Variants in ROBO2 observed in about 807,000 individuals in gnomAD.
ROBO2 encodes roundabout homolog 2.
A neutral mutation model predicts 160.8 loss-of-function variants in ROBO2; 53 were observed. That is an observed-to-expected ratio of 0.33 (90% CI 0.26 to 0.41). The LOEUF (loss-of-function observed/expected upper bound fraction) is 0.41. ROBO2 is among the 10% of genes least tolerant of loss of function. The pLI is 1.00. For missense variants in ROBO2, 1,577 were observed against 1,722.4 expected, an observed-to-expected ratio of 0.92 and a Z score of 1.49; for synonymous variants, 664 against 611.7, an observed-to-expected ratio of 1.09 and a Z score of -1.26.
intron 2 of ROBO2, among the ~76,000 whole-genome samples, chr3:76,286,171 A>G (rs1260719394): frequency 6.6e-6 from 1 of 152,230 alleles, no homozygotes; most frequent in East Asian, 1.9e-4. Context: ...AGTGTGCTGT[A>G]GTGCAGAGTT....
intron 2 of ROBO2, among the ~76,000 whole-genome samples, chr3:76,003,364 T>C (rs2107575642): frequency 6.6e-6 from 1 of 152,318 alleles, no homozygotes; most frequent in East Asian, 1.9e-4. Flanking sequence ...ATCCAAGTGA[T>C]GTCAACAGGG....
intron 2 of ROBO2, among the ~76,000 whole-genome samples, chr3:76,076,179 C>T (rs1408594116): frequency 6.6e-6 from 1 of 152,150 alleles, no homozygotes; most frequent in Non-Finnish European, 1.5e-5. Context: ...CTCTCCTGCA[C>T]CTCCCTTTGA....
chr3:77,005,901 T>A (rs966904429), intron 2 of ROBO2, among the ~76,000 whole-genome samples: 1 of 152,338 alleles, frequency 6.6e-6, no homozygotes, highest in East Asian at 1.9e-4. Context: ...AAAGAATATA[T>A]TGGTTTTCTG....
chr3:76,391,742 C>A (rs1333145468), intron 2 of ROBO2, among the ~76,000 whole-genome samples: 1 of 152,126 alleles, frequency 6.6e-6, no homozygotes, highest in African/African-American at 2.4e-5. Flanking sequence ...AACTCCTGAC[C>A]TTGTGATCTG....
chr3:77,608,817 T>A (rs553784240), intron 21 of ROBO2, among the ~76,000 whole-genome samples: 2 of 152,158 alleles, frequency 1.3e-5, no homozygotes, highest in South Asian at 4.1e-4. Flanking sequence ...CACAGGATTT[T>A]TTTTCACTTA....
intron 2 of ROBO2, among the ~76,000 whole-genome samples, chr3:76,867,732 A>G (rs1434518059): frequency 2.0e-5 from 3 of 152,182 alleles, no homozygotes; most frequent in Admixed American, 6.5e-5. Flanking sequence ...GCTCTTGTTG[A>G]TTCTCTCCTC....
At chr3:76,103,257 C>T (rs890500874) in intron 2 of ROBO2, among the ~76,000 whole-genome samples, 4 of 152,152 alleles carry the variant, frequency 2.6e-5, no homozygotes, top group African/African-American at 9.7e-5. Context: ...TACCAGAGCA[C>T]TCGCCACATT....
chr3:77,580,225 G>A, intron 16 of ROBO2, 107 bp downstream of exon 17: 1 of 1,006,346 alleles, frequency 9.9e-7, no homozygotes, highest in Non-Finnish European at 1.6e-6. Flanking sequence ...ATGAATGATA[G>A]GGTACACATA....
upstream of ROBO2, among the ~76,000 whole-genome samples, chr3:77,035,617 G>A (rs1367278488): frequency 6.6e-6 from 1 of 151,874 alleles, no homozygotes; most frequent in African/African-American, 2.4e-5. Context: ...TAGCTACACA[G>A]ACAGACTTAT....
chr3:76,887,771 C>A (rs1225170259), intron 2 of ROBO2, among the ~76,000 whole-genome samples: 3 of 152,070 alleles, frequency 2.0e-5, no homozygotes, highest in Non-Finnish European at 2.9e-5. Context: ...CCTCAGGAAG[C>A]CATATTGAGC....
chr3:77,297,634 G>A (rs919373441), intron 2 of ROBO2, among the ~76,000 whole-genome samples: 1 of 152,030 alleles, frequency 6.6e-6, no homozygotes, highest in Non-Finnish European at 1.5e-5. Flanking sequence ...TCAGTCTCTC[G>A]GATCTAACTT....
At chr3:76,128,939 T>C (rs979221583) in intron 2 of ROBO2, among the ~76,000 whole-genome samples, 1 of 152,108 alleles carries the variant, frequency 6.6e-6, no homozygotes, top group Non-Finnish European at 1.5e-5. Context: ...TTGTGAATAA[T>C]CATTTTTTGT....
chr3:77,154,031 T>G (rs527836961), intron 2 of ROBO2, among the ~76,000 whole-genome samples: 2 of 152,220 alleles, frequency 1.3e-5, no homozygotes, highest in South Asian at 2.1e-4. Flanking sequence ...TGGAACAAGC[T>G]TACTTCATCT....
chr3:77,493,203 A>T, intron 4 of ROBO2, 41 bp from the exon 5 acceptor site: 1 of 1,604,268 alleles, frequency 6.2e-7, no homozygotes, highest in Non-Finnish European at 8.5e-7. Flanking sequence ...CATGCATAAT[A>T]GTTTATCTCA....
At chr3:76,709,766 T>C (rs1180554408) in intron 2 of ROBO2, among the ~76,000 whole-genome samples, 1 of 152,214 alleles carries the variant, frequency 6.6e-6, no homozygotes, top group Admixed American at 6.5e-5. Flanking sequence ...TTTCAGATTA[T>C]TTCTTTAAAA....
At chr3:76,834,062 T>TTTCCTTTCTTTCTTTCTTTCTTTC (rs368797764) in intron 2 of ROBO2, among the ~76,000 whole-genome samples, 8 of 88,086 alleles carry the variant, frequency 9.1e-5, no homozygotes, top group African/African-American at 3.6e-4. Context: ...CCTTTCTTTC[T>TTTCCTTTCTTTCTTTCTTTCTTTC]TTTCTTTCTT....
chr3:76,450,587 A>T (rs1436857709), intron 2 of ROBO2, among the ~76,000 whole-genome samples: 1 of 152,110 alleles, frequency 6.6e-6, no homozygotes, highest in Non-Finnish European at 1.5e-5. Flanking sequence ...AGTAGCTGGG[A>T]TTACAGGCAC....
chr3:76,922,442 A>G (rs1432790735), intron 2 of ROBO2, among the ~76,000 whole-genome samples: 1 of 152,246 alleles, frequency 6.6e-6, no homozygotes, highest in African/African-American at 2.4e-5. Flanking sequence ...TTGTGGCTTT[A>G]GGTAGCATCC....
intron 2 of ROBO2, among the ~76,000 whole-genome samples, chr3:75,961,266 A>G (rs1948901450): frequency 6.6e-6 from 1 of 151,684 alleles, no homozygotes; most frequent in South Asian, 2.1e-4. Context: ...AAGCTAGAAC[A>G]TATTATATAT....
Sources: allele counts gnomAD v4.1 joint callset (sites outside exome capture counted in the v4.1 genomes callset), GRCh38; gene constraint gnomAD v4.1.1; transcripts MANE v1.5; gene names NCBI Gene and HGNC (gene_info 2026-07-23, HGNC 2026-07-21).